Variants in HTT observed in about 807,000 individuals in gnomAD.
The protein encoded by HTT is huntingtin.
HTT carries 104 observed loss-of-function variants against 362.3 expected under a neutral mutation model. The observed-to-expected ratio is 0.29, with a 90% confidence interval of 0.24 to 0.34. HTT has a LOEUF of 0.34. Ranked by LOEUF, HTT falls within the 10% of genes least tolerant of loss-of-function variation. The probability of loss-of-function intolerance (pLI) is 1.00; values close to 1 mark genes in which losing one functional copy is unlikely to be tolerated. For missense variants in HTT, 3,301 were observed against 3,928.6 expected (o/e 0.84, Z 4.27); for synonymous variants, 1,577 against 1,548.7 (o/e 1.02, Z -0.43).
In HTT at chr4:3,154,337, C is replaced by A; in HGVS notation, c.3543C>A (p.Ile1181=). 6.2e-7 allele frequency: 1 copy of A among 1,611,394 alleles called. No individual in the cohort carries two copies. Among genetic ancestry groups the A allele is most frequent in the Non-Finnish European group, 8.5e-7 (1 of 1,178,690 alleles). Residue 1181 remains isoleucine, a synonymous_variant, in exon 27 of 67, where the codon ATC becomes ATA. Transcript: ENST00000355072. ...CAAACCCCCCTTCTCTAAGTCCCAT[C>A]CGACGAAAGGGGAAGGAGAAAGAAC... ...SLTNPPSLSP[I]RRKGKEKEPG... is the part of the protein sequence containing the mutation.
In HTT at chr4:3,111,232, C is replaced by T. The variant is rs138463938; in HGVS notation, c.747+3809C>T. 5.7e-3 allele frequency among the ~76,000 whole-genome samples: 835 copies of T among 146,598 alleles called. 6 individuals are homozygous for T. The highest frequency in any genetic ancestry group is 0.02 in the African/African-American group (778 of 39,660). The stretch of plus-strand genomic sequence containing the variant: ...TTTTTGAGATGGAGTCCTACTCTGT[C>T]GCCCAGGCTAGAGTGCGGTGGTGGG... On this transcript the variant is annotated intron_variant, in intron 6 of 66. Transcript: ENST00000355072.
intron 16 of HTT, among the ~76,000 whole-genome samples, chr4:3,132,257 GT>G (rs1490451810): frequency 6.6e-6 from 1 of 152,034 alleles, no homozygotes; most frequent in South Asian, 2.1e-4. Context: ...GTGTAATAGG[GT>G]TTTTTCTAAT....
intron 2 of HTT, among the ~76,000 whole-genome samples, chr4:3,092,184 G>T (rs56148664): frequency 0.038 from 5,792 of 151,882 alleles, 344 homozygotes; most frequent in African/African-American, 0.13. Context: ...CACCGCACCC[G>T]GCTAATTTTT....
chr4:3,208,984 A>G lies in HTT; in HGVS notation c.6291+73A>G, dbSNP rs568139525. 9 of 1,467,064 alleles carry G rather than the reference A, an allele frequency of 6.1e-6. No homozygotes were observed. In the South Asian group the frequency reaches 9.5e-5, roughly 15 times the overall value. 90.9% of individuals were successfully genotyped at this position (1,467,064 alleles called of 1,614,324 possible). On this transcript the variant is annotated intron_variant, in intron 46 of 66. Coordinates refer to ENST00000355072, the MANE Select transcript of HTT (RefSeq NM_001388492.1). The stretch of plus-strand genomic sequence containing the variant: ...TCTGTCACCTGTGGCAGATACAGAG[A>G]GTGCAGAGGAGGTGCCGTGGACCCA...
chr4:3,174,946 A>G lies in HTT; in HGVS notation c.4246A>G (p.Asn1416Asp). The change falls in exon 33 of 67, where the codon AAT (asparagine) becomes GAT (aspartate). Residue 1416 changes from asparagine to aspartate, a missense_variant and splice_region_variant. Physicochemically the swap from Asn to Asp is conservative, Grantham distance 23 (BLOSUM62 1). Around this residue, in one of 4 missense-constraint regions of HTT, gnomAD observed 2,316 missense variants for 2,658.5 expected, o/e 0.87. Coordinates refer to ENST00000355072, the MANE Select transcript of HTT (RefSeq NM_001388492.1). ...TSVTKNRADK[N>D]AIHNHIRLFE... ...TTCTTTCTTTTTTTCTTTTTTATAG[A>G]ATGCTATTCATAATCACATTCGTTT... The G allele has an allele frequency of 6.3e-7, 1 of 1,577,394 alleles. No individual in the cohort carries two copies. The highest frequency in any genetic ancestry group is 1.2e-5 in the South Asian group (1 of 85,618).
At chr4:3,078,014 T>C (rs1292556615) in intron 1 of HTT, among the ~76,000 whole-genome samples, 2 of 152,230 alleles carry the variant, frequency 1.3e-5, no homozygotes, top group African/African-American at 2.4e-5. Flanking sequence ...GGTGTGGAAC[T>C]GTGGTGTCAC....
At chr4:3,127,679 G>A in intron 12 of HTT, 75 bp downstream of exon 12, 2 of 1,126,828 alleles carry the variant, frequency 1.8e-6, no homozygotes, top group Non-Finnish European at 2.6e-6. Context: ...ATAGTGCAGT[G>A]GAGGCCGGGC....
chr4:3,234,457 C>T (rs528823471), intron 61 of HTT, among the ~76,000 whole-genome samples: 28 of 152,354 alleles, frequency 1.8e-4, no homozygotes, highest in Admixed American at 3.9e-4. Flanking sequence ...AAATCAGGCA[C>T]ATATGTTGGT....
intron 51 of HTT, 132 bp from the exon 52 acceptor site, chr4:3,217,633 T>C: frequency 1.4e-6 from 1 of 715,554 alleles, no homozygotes; most frequent in South Asian, 1.8e-5. Flanking sequence ...CTGCAGGCCT[T>C]CAGTGGCCAA....
chr4:3,170,319 C>A (rs2110229237), intron 29 of HTT, among the ~76,000 whole-genome samples: 1 of 151,918 alleles, frequency 6.6e-6, no homozygotes, highest in South Asian at 2.1e-4. Flanking sequence ...ACTAATTATT[C>A]CTCTTTAGGA....
In HTT at chr4:3,188,846, C is replaced by T. The variant is rs3025831; in HGVS notation, c.5226-105C>T. 9,574 of 1,118,068 alleles carry T rather than the reference C, an allele frequency of 8.6e-3. 454 individuals are homozygous for T. In the African/African-American group the frequency reaches 0.12, roughly 14 times the overall value. 69.3% of individuals were successfully genotyped at this position (1,118,068 alleles called of 1,614,324 possible). A position where few individuals can be genotyped will look rare whatever the true frequency, so the allele number is the denominator to read the frequency against. ...CACTTTAGCGGTTAATGTACTCTACCTATATTTTTACTTTATATTTACCAT... is the reference window on the plus strand; with the variant it reads ...CACTTTAGCGGTTAATGTACTCTACTTATATTTTTACTTTATATTTACCAT... On this transcript the variant is annotated intron_variant, in intron 39 of 66. Transcript: ENST00000355072.
At position 3,228,826 on chromosome 4, in the gene HTT, A is replaced by G. The variant is rs1294877804; in HGVS notation, c.7980-54A>G. Reference sequence around the variant, plus strand: ...TTGATTTGTTTGAGGTGCTTCTTGAAATGAGCCTCTCATCTCATGTACTTG... The same window carrying G: ...TTGATTTGTTTGAGGTGCTTCTTGAGATGAGCCTCTCATCTCATGTACTTG... On this transcript the variant is annotated intron_variant, in intron 58 of 66. Coordinates refer to ENST00000355072, the MANE Select transcript of HTT (RefSeq NM_001388492.1). This position sits in a 1 kb window ranked among gnomAD's most constrained non-coding sequence, Gnocchi z 4.3. 14 of 1,582,038 alleles carry G rather than the reference A, an allele frequency of 8.8e-6. No homozygotes were observed. In the East Asian group the frequency reaches 2.9e-4, roughly 33 times the overall value.
chr4:3,154,336 T>A lies in HTT; in HGVS notation c.3542T>A (p.Ile1181Asn). Reference sequence around the variant, plus strand: ...ACAAACCCCCCTTCTCTAAGTCCCATCCGACGAAAGGGGAAGGAGAAAGAA... The same window carrying A: ...ACAAACCCCCCTTCTCTAAGTCCCAACCGACGAAAGGGGAAGGAGAAAGAA... ...SLTNPPSLSP[I>N]RRKGKEKEPG... Residue 1181 changes from isoleucine (I) to asparagine (N), a missense_variant, in exon 27 of 67, where the codon ATC becomes AAC. This residue lies in a region of HTT where 2,316 missense variants were observed against 2,658.5 expected (regional missense o/e 0.87). Transcript: ENST00000355072. The A allele has an allele frequency of 6.2e-7, 1 of 1,611,420 alleles. No individual in the cohort carries two copies. Among genetic ancestry groups the A allele is most frequent in the Non-Finnish European group, 8.5e-7 (1 of 1,178,692 alleles).
At position 3,209,753 on chromosome 4, in the gene HTT, C is replaced by T. The variant is rs562693840; in HGVS notation, c.6292-74C>T. 6 of 1,581,864 alleles carry T rather than the reference C, an allele frequency of 3.8e-6. No individual in the cohort carries two copies. The South Asian group carries it at 5.7e-5, about 15-fold the overall frequency. On this transcript the variant is annotated intron_variant, in intron 46 of 66. Transcript: ENST00000355072. ...GGTGTTCCCAAGCACTGGCCTAGGCCTGTAGCTCCAGGGATGTGAAGTCCC... is the reference window on the plus strand; with the variant it reads ...GGTGTTCCCAAGCACTGGCCTAGGCTTGTAGCTCCAGGGATGTGAAGTCCC...
chr4:3,238,788 G>T, intron 65 of HTT, 30 bp from the exon 66 acceptor site: 1 of 1,447,164 alleles, frequency 6.9e-7, no homozygotes, highest in South Asian at 1.2e-5. Context: ...CCCCAGCCCT[G>T]ACACTCAGGC....
At chr4:3,136,976 C>T (rs889610656) in intron 21 of HTT, among the ~76,000 whole-genome samples, 1 of 150,850 alleles carries the variant, frequency 6.6e-6, no homozygotes. Flanking sequence ...GGTGCTATCT[C>T]GGCTCACTGC....
chr4:3,187,908 A>ATAAC (rs764611719), intron 39 of HTT, 22 bp downstream of exon 39: 8 of 1,444,846 alleles, frequency 5.5e-6, no homozygotes, highest in Admixed American at 1.7e-5. Flanking sequence ...ATCTGAGCCT[A>ATAAC]TAACTAACCC....
intron 39 of HTT, chr4:3,188,553 G>C (rs1463715231): frequency 5.8e-6 from 1 of 171,238 alleles, no homozygotes; most frequent in Non-Finnish European, 1.2e-5. Context: ...CTGTGTTGTC[G>C]AAGGAGATAA....
At position 3,133,958 on chromosome 4, in the gene HTT, A is replaced by G. The variant is rs150128504; in HGVS notation, c.2494-443A>G. On this transcript the variant is annotated intron_variant, in intron 18 of 66. Transcript: ENST00000355072. The stretch of plus-strand genomic sequence containing the variant: ...GTGCTTGGGGCTGCAGGGGAGGGGT[A>G]CAGCAGTAGGGGCCTGTTCTGTTCT... 1.7e-3 allele frequency among the ~76,000 whole-genome samples: 255 copies of G among 152,166 alleles called. 2 individuals carry two copies. The highest frequency in any genetic ancestry group is 2.9e-3 in the Admixed American group (45 of 15,278).
Sources: allele counts gnomAD v4.1 joint callset (sites outside exome capture counted in the v4.1 genomes callset), GRCh38; gene constraint gnomAD v4.1.1; regional missense constraint gnomAD v4.1.1; non-coding constraint Gnocchi (gnomAD v3.1); transcripts MANE v1.5; gene names NCBI Gene and HGNC (gene_info 2026-07-23, HGNC 2026-07-21).